Variants in WDR7 observed in about 807,000 individuals in gnomAD.
The protein encoded by WDR7 is WD repeat domain 7, also known as WD repeat-containing protein 7.
A neutral mutation model predicts 169.4 loss-of-function variants in WDR7; 46 were observed. That is an observed-to-expected ratio of 0.27 (90% confidence interval 0.21 to 0.35). The LOEUF (loss-of-function observed/expected upper bound fraction) is 0.35, where lower values mean the gene tolerates loss of function less well. Among genes scored for constraint, WDR7 ranks in the 10% least tolerant of loss-of-function variants. The pLI is 1.00. For missense variants in WDR7, 1,534 were observed against 1,859.3 expected (o/e 0.83, Z 3.22); for synonymous variants, 612 against 666.8 (o/e 0.92, Z 1.27).
intron 25 of WDR7, 64 bp downstream of exon 25, chr18:56,939,457 T>G (rs907991888): frequency 5.4e-5 from 71 of 1,307,594 alleles, no homozygotes; most frequent in Non-Finnish European, 7.1e-5. Flanking sequence ...TTTAAAAATT[T>G]TTGGCATGGT....
intron 14 of WDR7, among the ~76,000 whole-genome samples, chr18:56,744,554 G>A (rs908158142): frequency 4.6e-5 from 7 of 152,134 alleles, no homozygotes; most frequent in Non-Finnish European, 1.0e-4. Flanking sequence ...TGCTAGGACC[G>A]ACTGTGGTTG....
rs1445164300 is a variant in WDR7, at chr18:56,756,838, A to G, written c.2245A>G (p.Thr749Ala). The stretch of plus-strand genomic sequence containing the variant: ...AGTTCTCTTCCAACAAGTGAAAGAA[A>G]CGATCAAAGAGAACATCAAGGAACA... ...AAVLFQQVKETIKENIKEHLL... is the reference protein window; with the variant it reads ...AAVLFQQVKEAIKENIKEHLL... Residue 749 changes from threonine to alanine, a missense_variant, in exon 15 of 28, where the codon ACG (threonine) becomes GCG (alanine). By Grantham distance (58) the Thr-to-Ala change is moderately conservative. Transcript: ENST00000254442. 1.2e-6 allele frequency: 2 copies of G among 1,614,150 alleles called. No individual in the cohort carries two copies. Among genetic ancestry groups the G allele is most frequent in the Non-Finnish European group, 8.5e-7 (1 of 1,180,026 alleles).
At chr18:56,662,091 C>G (rs1241736642) in intron 1 of WDR7, among the ~76,000 whole-genome samples, 3 of 152,154 alleles carry the variant, frequency 2.0e-5, no homozygotes, top group African/African-American at 4.8e-5. Flanking sequence ...CTCATATTCC[C>G]CATCGGTAGG....
intron 21 of WDR7, among the ~76,000 whole-genome samples, chr18:56,916,398 C>G (rs1055050991): frequency 6.6e-6 from 1 of 151,926 alleles, no homozygotes; most frequent in Non-Finnish European, 1.5e-5. Flanking sequence ...ATAGTTTGCT[C>G]AGAATGATGG....
intron 21 of WDR7, among the ~76,000 whole-genome samples, chr18:56,920,866 A>T (rs1210096158): frequency 1.3e-5 from 2 of 152,170 alleles, no homozygotes; most frequent in South Asian, 4.1e-4. Flanking sequence ...TAATTTCAGC[A>T]TTTGGTCCTC....
intron 21 of WDR7, among the ~76,000 whole-genome samples, chr18:56,920,058 C>T (rs902968270): frequency 6.6e-6 from 1 of 152,054 alleles, no homozygotes. Flanking sequence ...GCCCTCTTCT[C>T]CCCTTCACCT....
At chr18:56,769,641 A>C (rs1330689444) in intron 16 of WDR7, among the ~76,000 whole-genome samples, 1 of 152,188 alleles carries the variant, frequency 6.6e-6, no homozygotes, top group Non-Finnish European at 1.5e-5. Context: ...GGAGGTGCCC[A>C]AGCAAGTTTA....
rs903381385 is a variant in WDR7 at position 56,967,170 on chromosome 18, C to A, written c.4164+4641C>A. Among the ~76,000 whole-genome samples the A allele has an allele frequency of 5.9e-4, 90 of 151,850 alleles. 1 individual carries two copies. The highest frequency in any genetic ancestry group is 2.0e-3 in the African/African-American group (84 of 41,150). Reference sequence around the variant, plus strand: ...GTGCTAAGGCCAGGAGTTCAGCCTGCTCAATAGGGAGCGCTTGGGTGGAAA... The same window carrying A: ...GTGCTAAGGCCAGGAGTTCAGCCTGATCAATAGGGAGCGCTTGGGTGGAAA... On this transcript the variant is annotated intron_variant, in intron 26 of 27. Coordinates refer to ENST00000254442, the MANE Select transcript of WDR7 (RefSeq NM_015285.3).
intron 26 of WDR7, among the ~76,000 whole-genome samples, chr18:56,999,583 C>G (rs2047945835): frequency 6.6e-6 from 1 of 152,002 alleles, no homozygotes; most frequent in East Asian, 1.9e-4. Context: ...TGAAAAATCT[C>G]TAGAAAAAAG....
intron 26 of WDR7, among the ~76,000 whole-genome samples, chr18:56,976,530 A>T (rs2047568074): frequency 6.6e-6 from 1 of 152,210 alleles, no homozygotes; most frequent in African/African-American, 2.4e-5. Context: ...TAGTATGGTG[A>T]GCAACTCAGT....
chr18:56,726,477 G>A (rs1213084401), intron 13 of WDR7, among the ~76,000 whole-genome samples: 2 of 152,210 alleles, frequency 1.3e-5, no homozygotes, highest in Non-Finnish European at 2.9e-5. Context: ...ATATAAGAAT[G>A]CCTGTGATTT....
At chr18:56,801,296 G>A (rs998045280) in intron 19 of WDR7, among the ~76,000 whole-genome samples, 2 of 152,026 alleles carry the variant, frequency 1.3e-5, no homozygotes, top group African/African-American at 4.8e-5. Context: ...TTTGTCTTTA[G>A]CTTTACATTA....
intron 20 of WDR7, among the ~76,000 whole-genome samples, chr18:56,817,173 C>T (rs1417396557): frequency 1.3e-5 from 2 of 151,626 alleles, no homozygotes; most frequent in African/African-American, 2.4e-5. Flanking sequence ...GGCAAAATCC[C>T]GTCTCTACTA....
At chr18:56,996,000 G>A (rs766529548) in intron 26 of WDR7, among the ~76,000 whole-genome samples, 16 of 152,184 alleles carry the variant, frequency 1.1e-4, no homozygotes, top group African/African-American at 2.4e-4. Context: ...TTTTTCAGGC[G>A]TAATGATTCC....
At chr18:56,878,185 T>C (rs1307102219) in intron 20 of WDR7, among the ~76,000 whole-genome samples, 1 of 152,222 alleles carries the variant, frequency 6.6e-6, no homozygotes, top group African/African-American at 2.4e-5. Context: ...AATCAAGATA[T>C]AAAATTGTTT....
chr18:56,950,597 G>A (rs931474444), intron 25 of WDR7, among the ~76,000 whole-genome samples: 5 of 152,076 alleles, frequency 3.3e-5, no homozygotes, highest in Admixed American at 6.6e-5. Context: ...CTTAAAACTC[G>A]TTATTTTCTG....
chr18:56,874,036 A>G (rs955238215), intron 20 of WDR7: 1 of 152,248 alleles, frequency 6.6e-6, no homozygotes, highest in Non-Finnish European at 1.5e-5. Context: ...TCTTGCTGAG[A>G]CATGGGGGAG....
At chr18:56,987,413 C>T (rs943158667) in intron 26 of WDR7, among the ~76,000 whole-genome samples, 2 of 151,976 alleles carry the variant, frequency 1.3e-5, no homozygotes, top group Non-Finnish European at 2.9e-5. Context: ...TCTGCCACCG[C>T]GGCCAGCCCT....
intron 22 of WDR7, among the ~76,000 whole-genome samples, chr18:56,927,206 C>T (rs2046820289): frequency 6.6e-6 from 1 of 152,146 alleles, no homozygotes; most frequent in Non-Finnish European, 1.5e-5. Context: ...CTAGAGAACA[C>T]ATATCATGGC....
Sources: allele counts gnomAD v4.1 joint callset (sites outside exome capture counted in the v4.1 genomes callset), GRCh38; gene constraint gnomAD v4.1.1; transcripts MANE v1.5; gene names NCBI Gene and HGNC (gene_info 2026-07-23, HGNC 2026-07-21).